Variants in DGKG observed in about 807,000 individuals in gnomAD.
The protein encoded by DGKG is DAG kinase gamma.
In DGKG, 78 loss-of-function variants were observed where a neutral mutation model predicts 105.3. The observed-to-expected ratio is 0.74, with a 90% CI of 0.62 to 0.89. The LOEUF is 0.89. Among genes scored for constraint, DGKG ranks in the 40% least tolerant of loss-of-function variants. The pLI is 0.00. For synonymous variants in DGKG, 346 were observed against 367.1 expected (o/e 0.94, Z 0.66); for missense variants, 958 against 1,020.1 (o/e 0.94, Z 0.83).
intron 20 of DGKG, among the ~76,000 whole-genome samples, chr3:186,236,374 T>A (rs1382865864): frequency 6.6e-6 from 1 of 152,262 alleles, no homozygotes; most frequent in Non-Finnish European, 1.5e-5. Context: ...TATTCAATGA[T>A]ATTCAACAAC....
At chr3:186,243,895 GTTTT>G (rs34134152) in intron 19 of DGKG, among the ~76,000 whole-genome samples, 13 of 116,332 alleles carry the variant, frequency 1.1e-4, no homozygotes, top group African/African-American at 3.6e-4. Context: ...AAATTTCTGT[GTTTT>G]TTTTTTTTTT....
chr3:186,245,671 G>C (rs1720904487), intron 19 of DGKG, among the ~76,000 whole-genome samples: 1 of 152,188 alleles, frequency 6.6e-6, no homozygotes, highest in African/African-American at 2.4e-5. Context: ...CAGGTGTGGG[G>C]TGAAGAGGAG....
intron 18 of DGKG, 28 bp from the exon 19 acceptor site, chr3:186,251,947 C>A: frequency 4.6e-6 from 7 of 1,521,832 alleles, no homozygotes; most frequent in Non-Finnish European, 6.2e-6. Flanking sequence ...GCATTTGCCA[C>A]CACAGCAGAA....
chr3:186,199,157 G>C (rs1296114740), intron 21 of DGKG, among the ~76,000 whole-genome samples: 1 of 152,054 alleles, frequency 6.6e-6, no homozygotes, highest in Non-Finnish European at 1.5e-5. Context: ...CACCATGTTG[G>C]CCAGGATTAT....
At chr3:186,241,295 G>T (rs887041497) in intron 20 of DGKG, among the ~76,000 whole-genome samples, 3 of 151,510 alleles carry the variant, frequency 2.0e-5, no homozygotes, top group African/African-American at 7.3e-5. Context: ...ATTCTTGCTT[G>T]TAATCCCAGC....
intron 1 of DGKG, among the ~76,000 whole-genome samples, chr3:186,358,014 C>T (rs1381294471): frequency 3.3e-5 from 5 of 152,344 alleles, no homozygotes; most frequent in Non-Finnish European, 5.9e-5. Context: ...GACAGCACAG[C>T]TCTAGACACC....
At chr3:186,186,761 G>A (rs946795260) in intron 22 of DGKG, among the ~76,000 whole-genome samples, 5 of 152,196 alleles carry the variant, frequency 3.3e-5, no homozygotes, top group African/African-American at 9.6e-5. Flanking sequence ...GTGAGGACCC[G>A]TGAGCCCACA....
intron 2 of DGKG, among the ~76,000 whole-genome samples, chr3:186,308,410 T>C (rs926295695): frequency 3.9e-5 from 6 of 152,180 alleles, no homozygotes; most frequent in Non-Finnish European, 8.8e-5. Context: ...CTTTCCAAGC[T>C]CCATTATTGT....
chr3:186,160,560 G>C (rs78649289), intron 24 of DGKG: 66,000 of 985,088 alleles, frequency 0.067, 2,537 homozygotes, highest in Non-Finnish European at 0.074. Flanking sequence ...TATAGAAGAT[G>C]CTACCTTTTC....
At chr3:186,236,455 T>C (rs1036507962) in intron 20 of DGKG, among the ~76,000 whole-genome samples, 2 of 152,234 alleles carry the variant, frequency 1.3e-5, no homozygotes, top group Admixed American at 6.5e-5. Context: ...ATAGCAACAT[T>C]GCAAGATTTT....
intron 13 of DGKG, among the ~76,000 whole-genome samples, chr3:186,267,260 A>G (rs894487348): frequency 3.9e-5 from 6 of 152,146 alleles, no homozygotes; most frequent in African/African-American, 1.4e-4. Context: ...AAGGCTTAGA[A>G]CAAATGTGCT....
At position 186,236,883 on chromosome 3, in the gene DGKG, C is replaced by T. The variant is rs139662580; in HGVS notation, c.1826+5621G>A. Reference sequence around the variant, plus strand: ...TCAACAGGTTTAGAATAACACATTCCGCAAGTACTCTGAGTTTCTAACCAA... The same window carrying T: ...TCAACAGGTTTAGAATAACACATTCTGCAAGTACTCTGAGTTTCTAACCAA... On this transcript the variant is annotated intron_variant, in intron 20 of 24. Transcript: ENST00000265022. Among the ~76,000 whole-genome samples, 14 of 152,342 alleles carry T rather than the reference C, an allele frequency of 9.2e-5. No homozygotes were observed. In the East Asian group the frequency reaches 2.5e-3, roughly 27 times the overall value.
chr3:186,192,226 G>A (rs1206475565), intron 21 of DGKG, among the ~76,000 whole-genome samples: 3 of 152,040 alleles, frequency 2.0e-5, no homozygotes, highest in African/African-American at 7.2e-5. Flanking sequence ...TGGCCAGCCG[G>A]GTCTTGAACT....
At position 186,211,027 on chromosome 3, in the gene DGKG, G is replaced by A. The variant is rs184602409; in HGVS notation, c.1917+768C>T. On this transcript the variant is annotated intron_variant, in intron 21 of 24. Coordinates refer to ENST00000265022, the MANE Select transcript of DGKG (RefSeq NM_001346.3). ...CCAGCCAACGTGGGGTGAGAGGGTG[G>A]GAAGTGGGCAGCTTATCAACCAGGG... is the stretch of plus-strand genomic sequence containing the variant. 2.8e-3 allele frequency among the ~76,000 whole-genome samples: 434 copies of A among 152,292 alleles called. 7 individuals are homozygous for A. Among genetic ancestry groups the A allele is most frequent in the Non-Finnish European group, 2.6e-3 (179 of 68,022 alleles).
At chr3:186,277,531 A>G (rs1722641470) in intron 9 of DGKG, among the ~76,000 whole-genome samples, 1 of 152,238 alleles carries the variant, frequency 6.6e-6, no homozygotes. Flanking sequence ...AAGGAAAATG[A>G]TAGCACTCTT....
intron 1 of DGKG, among the ~76,000 whole-genome samples, chr3:186,330,577 T>G (rs1725554653): frequency 6.6e-6 from 1 of 152,202 alleles, no homozygotes; most frequent in South Asian, 2.1e-4. Context: ...TCAGCCATTT[T>G]GCTGGAGAGA....
At chr3:186,238,375 C>T (rs1354919085) in intron 20 of DGKG, among the ~76,000 whole-genome samples, 3 of 151,016 alleles carry the variant, frequency 2.0e-5, no homozygotes, top group African/African-American at 4.9e-5. Flanking sequence ...TGGGATATGA[C>T]CATTAATAAG....
intron 1 of DGKG, among the ~76,000 whole-genome samples, chr3:186,357,752 G>T (rs1359739890): frequency 6.6e-6 from 1 of 152,130 alleles, no homozygotes; most frequent in African/African-American, 2.4e-5. Context: ...TAGTGCAGAG[G>T]ATACAGTGGA....
chr3:186,214,642 T>G (rs1719190490), intron 20 of DGKG, among the ~76,000 whole-genome samples: 1 of 152,354 alleles, frequency 6.6e-6, no homozygotes, highest in Non-Finnish European at 1.5e-5. Context: ...CCCTAATCCT[T>G]GATTAATTAT....
Sources: gnomAD v4.1 joint callset for allele counts (sites outside exome capture counted in the v4.1 genomes callset) on GRCh38, gnomAD v4.1.1 for gene constraint, MANE v1.5 for transcripts, NCBI Gene and HGNC (gene_info 2026-07-23, HGNC 2026-07-21) for gene names.